Variants in CNKSR3 observed in about 807,000 individuals in gnomAD.
The protein encoded by CNKSR3 is connector enhancer of kinase suppressor of ras 3.
Under a neutral mutation model 67.7 loss-of-function variants are expected in CNKSR3, and 36 were observed. The observed-to-expected ratio is 0.53, with a 90% CI of 0.41 to 0.70. The LOEUF is 0.70. CNKSR3 is among the 30% of genes least tolerant of loss of function. The pLI, the probability that CNKSR3 is intolerant of heterozygous loss-of-function variation, is 0.00. For missense variants in CNKSR3, 630 were observed against 695.2 expected, an observed-to-expected ratio of 0.91 and a Z score of 1.05; for synonymous variants, 281 against 271.4, an observed-to-expected ratio of 1.04 and a Z score of -0.35.
intron 1 of CNKSR3, among the ~76,000 whole-genome samples, chr6:154,507,359 TCTCATAATCG>T (rs1003753257): frequency 6.6e-6 from 1 of 152,188 alleles, no homozygotes; most frequent in Admixed American, 6.5e-5. Flanking sequence ...CTTCTATGGT[TCTCATAATCG>T]CCCTACCCAG....
intron 11 of CNKSR3, 38 bp from the exon 12 acceptor site, chr6:154,410,470 A>G: frequency 6.9e-7 from 1 of 1,448,192 alleles, no homozygotes; most frequent in South Asian, 1.1e-5. Context: ...AAGTTTGATG[A>G]GTTCTGGAAC....
rs949821066 is a variant in CNKSR3, at chr6:154,390,529, C to T, written c.*15825G>A. The T allele has an allele frequency of 6.6e-6, 1 of 152,212 alleles. No homozygotes were observed. The highest frequency in any genetic ancestry group is 1.5e-5 in the Non-Finnish European group (1 of 68,054). 9.4% of individuals were successfully genotyped at this position (152,212 alleles called of 1,614,324 possible). A position where few individuals can be genotyped will look rare whatever the true frequency, so the allele number is the denominator to read the frequency against. ...TCCCAGAGGATAAATTTCTTCTTCC[C>T]TTCCTCTCGTCTCTGGACTATACCT... On this transcript the variant is annotated 3_prime_UTR_variant, in exon 13 of 13. Coordinates refer to ENST00000607772, the MANE Select transcript of CNKSR3 (RefSeq NM_173515.4).
chr6:154,429,648 C>T (rs1487531711), intron 6 of CNKSR3, among the ~76,000 whole-genome samples: 3 of 152,070 alleles, frequency 2.0e-5, no homozygotes, highest in African/African-American at 7.3e-5. Flanking sequence ...TTTGTTTTTT[C>T]TAAGAGCAGA....
chr6:154,463,298 C>T (rs764254925), intron 1 of CNKSR3, among the ~76,000 whole-genome samples: 10 of 151,928 alleles, frequency 6.6e-5, no homozygotes, highest in Non-Finnish European at 1.3e-4. Flanking sequence ...CTTGAGATAT[C>T]TCCTGACCTT....
intron 4 of CNKSR3, among the ~76,000 whole-genome samples, chr6:154,439,514 A>T (rs1042749416): frequency 6.6e-6 from 1 of 152,148 alleles, no homozygotes; most frequent in Non-Finnish European, 1.5e-5. Flanking sequence ...TAAAACACAA[A>T]TGTACCAACA....
chr6:154,424,230 C>CA (rs56218677), intron 7 of CNKSR3, among the ~76,000 whole-genome samples: 2,259 of 72,134 alleles, frequency 0.031, 37 homozygotes, highest in African/African-American at 0.054. Flanking sequence ...GACTCCGTCT[C>CA]AAAAAAAAAA....
chr6:154,446,484 C>T (rs79777525), intron 2 of CNKSR3, among the ~76,000 whole-genome samples: 4,671 of 152,234 alleles, frequency 0.031, 193 homozygotes, highest in East Asian at 0.19. Flanking sequence ...ATACAACTTG[C>T]CAGCAAAAAT....
intron 1 of CNKSR3, among the ~76,000 whole-genome samples, chr6:154,458,784 G>A (rs937483972): frequency 1.6e-4 from 24 of 152,094 alleles, no homozygotes; most frequent in Non-Finnish European, 2.8e-4. Flanking sequence ...TGACACCCAC[G>A]CACACTACTA....
At chr6:154,459,105 G>A (rs2128720537) in intron 1 of CNKSR3, among the ~76,000 whole-genome samples, 1 of 149,398 alleles carries the variant, frequency 6.7e-6, no homozygotes. Context: ...AAGAAAGAGA[G>A]AAAGAAAGAA....
At chr6:154,423,289 G>A (rs1562325543) in intron 7 of CNKSR3, among the ~76,000 whole-genome samples, 3 of 152,172 alleles carry the variant, frequency 2.0e-5, no homozygotes, top group Non-Finnish European at 2.9e-5. Context: ...TTTTAAGACG[G>A]AGTCTCACTC....
intron 5 of CNKSR3, among the ~76,000 whole-genome samples, chr6:154,430,963 A>C (rs1241356614): frequency 6.6e-6 from 1 of 152,106 alleles, no homozygotes; most frequent in Admixed American, 6.5e-5. Flanking sequence ...AAAAAAAAAA[A>C]AAAATTGTTT....
At chr6:154,421,268 C>T (rs897955874) in intron 9 of CNKSR3, among the ~76,000 whole-genome samples, 1 of 152,204 alleles carries the variant, frequency 6.6e-6, no homozygotes, top group East Asian at 1.9e-4. Context: ...CCCACCTCAG[C>T]TTCCCAAGAT....
At chr6:154,439,342 T>C (rs1291924531) in intron 4 of CNKSR3, among the ~76,000 whole-genome samples, 1 of 152,128 alleles carries the variant, frequency 6.6e-6, no homozygotes, top group Non-Finnish European at 1.5e-5. Flanking sequence ...TTGAAAGAAG[T>C]GTCCAAATAC....
rs1019383531 is a variant in CNKSR3 at position 154,448,890 on chromosome 6, G to A, written c.216+1205C>T. On this transcript the variant is annotated intron_variant, in intron 2 of 12. Coordinates refer to ENST00000607772, the MANE Select transcript of CNKSR3 (RefSeq NM_173515.4). ...TCCCACCATTCTCAGTGATGTAATTGTATATACCCCTGGCTGGGGTTCAGG... is the reference window on the plus strand; with the variant it reads ...TCCCACCATTCTCAGTGATGTAATTATATATACCCCTGGCTGGGGTTCAGG... 3.3e-5 allele frequency among the ~76,000 whole-genome samples: 5 copies of A among 152,310 alleles called. No individual in the cohort carries two copies. In the East Asian group the frequency reaches 9.6e-4, roughly 29 times the overall value.
intron 9 of CNKSR3, among the ~76,000 whole-genome samples, chr6:154,420,808 ATAAACGTAT>A (rs1785129426): frequency 6.6e-6 from 1 of 152,296 alleles, no homozygotes; most frequent in East Asian, 1.9e-4. Flanking sequence ...ATGTGAGGTA[ATAAACGTAT>A]TAATGAGCTT....
chr6:154,469,898 C>A (rs1384674275), intron 1 of CNKSR3, among the ~76,000 whole-genome samples: 1 of 152,074 alleles, frequency 6.6e-6, no homozygotes, highest in Non-Finnish European at 1.5e-5. Context: ...AGATTTATAT[C>A]TACATATATT....
chr6:154,413,682 T>C (rs111700730), intron 10 of CNKSR3, among the ~76,000 whole-genome samples: 3 of 152,122 alleles, frequency 2.0e-5, no homozygotes, highest in Non-Finnish European at 4.4e-5. Flanking sequence ...GGGCCCCCAA[T>C]AGACCCTTCC....
At chr6:154,446,537 A>T (rs1785710068) in intron 2 of CNKSR3, among the ~76,000 whole-genome samples, 1 of 152,244 alleles carries the variant, frequency 6.6e-6, no homozygotes, top group Non-Finnish European at 1.5e-5. Context: ...TAACATGTTT[A>T]AATGATTTGC....
intron 1 of CNKSR3, among the ~76,000 whole-genome samples, chr6:154,477,296 GCTT>G (rs1010755665): frequency 1.3e-5 from 2 of 151,828 alleles, no homozygotes; most frequent in African/African-American, 4.8e-5. Context: ...AAAATTCTGA[GCTT>G]CTTTGTAATT....
Sources: gnomAD v4.1 joint callset for allele counts (sites outside exome capture counted in the v4.1 genomes callset) on GRCh38, gnomAD v4.1.1 for gene constraint, MANE v1.5 for transcripts, NCBI Gene and HGNC (gene_info 2026-07-23, HGNC 2026-07-21) for gene names.